SLC16A9: variants seen among roughly 807,000 people sequenced by gnomAD.
SLC16A9 encodes the protein monocarboxylate transporter 9.
In SLC16A9, 26 loss-of-function variants were observed where a neutral mutation model predicts 44.3. The ratio of observed to expected loss-of-function variants is 0.59; its 90% CI spans 0.43 to 0.81. The LOEUF is 0.81. SLC16A9 is among the 40% of genes least tolerant of loss of function. The probability of loss-of-function intolerance (pLI) is 0.00; values close to 1 mark genes in which losing one functional copy is unlikely to be tolerated. For synonymous variants in SLC16A9, 230 were observed against 225.1 expected, an observed-to-expected ratio of 1.02 and a Z score of -0.19; for missense variants, 559 against 595.8, an observed-to-expected ratio of 0.94 and a Z score of 0.64.
intron 4 of SLC16A9, among the ~76,000 whole-genome samples, chr10:59,655,106 A>T (rs925624176): frequency 6.6e-6 from 1 of 152,166 alleles, no homozygotes; most frequent in African/African-American, 2.4e-5. Context: ...CCTGGCCAAC[A>T]TGGTGAAACC....
chr10:59,698,924 A>G (rs1387753735), intron 1 of SLC16A9, among the ~76,000 whole-genome samples: 1 of 151,940 alleles, frequency 6.6e-6, no homozygotes, highest in Non-Finnish European at 1.5e-5. Flanking sequence ...TTGTATTTTT[A>G]GTAGAGATGG....
intron 1 of SLC16A9, among the ~76,000 whole-genome samples, chr10:59,703,833 C>T (rs1171621): frequency 0.94 from 142,038 of 151,862 alleles, 66,536 homozygotes; most frequent in Middle Eastern, 0.98. Context: ...ATTCTCCTGC[C>T]TCAGCCTCCC....
At chr10:59,662,316 T>C (rs11006663) in intron 4 of SLC16A9, among the ~76,000 whole-genome samples, 87,248 of 149,250 alleles carry the variant, frequency 0.58, 26,466 homozygotes, top group Middle Eastern at 0.75. Flanking sequence ...CAAAAAGTGG[T>C]GAAGGATATG....
Position 59,650,966 on chromosome 10 carries a change from T to G in SLC16A9, c.*1806A>C, listed in dbSNP as rs1839183211. 6.6e-6 allele frequency: 1 copy of G among 151,492 alleles called. No individual in the cohort carries two copies. Among genetic ancestry groups the G allele is most frequent in the African/African-American group, 2.4e-5 (1 of 41,172 alleles). 9.4% of individuals were successfully genotyped at this position (151,492 alleles called of 1,614,324 possible). On this transcript the variant is annotated 3_prime_UTR_variant, in exon 6 of 6. Coordinates refer to ENST00000395348, the MANE Select transcript of SLC16A9 (RefSeq NM_194298.3). ...TGAACATAACTGGCAAAAAGGAACT[T>G]TCAACACAACAAGTAGTTTAGTTTT...
intron 2 of SLC16A9, among the ~76,000 whole-genome samples, chr10:59,674,219 G>C (rs765552165): frequency 6.6e-6 from 1 of 152,140 alleles, no homozygotes; most frequent in Non-Finnish European, 1.5e-5. Context: ...GAGAAACAAT[G>C]GAATCCATCA....
At chr10:59,687,129 C>A (rs1053496329) in intron 1 of SLC16A9, among the ~76,000 whole-genome samples, 5 of 152,026 alleles carry the variant, frequency 3.3e-5, no homozygotes, top group African/African-American at 1.2e-4. Context: ...GGTCTTGAAC[C>A]CCTGACCTCA....
chr10:59,681,525 G>GA (rs1266986430), intron 2 of SLC16A9, among the ~76,000 whole-genome samples: 1 of 106,506 alleles, frequency 9.4e-6, no homozygotes, highest in Non-Finnish European at 1.9e-5. Flanking sequence ...ATATGTATAT[G>GA]TGTATGTGTA....
At chr10:59,685,165 C>G (rs144080480) in intron 1 of SLC16A9, among the ~76,000 whole-genome samples, 195 of 152,336 alleles carry the variant, frequency 1.3e-3, no homozygotes, top group African/African-American at 4.3e-3. Context: ...TCCCCACCTT[C>G]CTTTGTCCAC....
chr10:59,698,384 G>T (rs138626037), intron 1 of SLC16A9, among the ~76,000 whole-genome samples: 91 of 152,278 alleles, frequency 6.0e-4, no homozygotes, highest in Non-Finnish European at 1.1e-3. Context: ...CACTGGTGGT[G>T]GCAATGCTAT....
intron 2 of SLC16A9, among the ~76,000 whole-genome samples, chr10:59,681,169 T>C (rs1446056908): frequency 6.6e-6 from 1 of 151,984 alleles, no homozygotes; most frequent in Non-Finnish European, 1.5e-5. Flanking sequence ...AAATACTTAT[T>C]CCACTTCCAA....
Position 59,654,000 on chromosome 10 carries a change from A to G in SLC16A9, c.1026T>C (p.Ile342=), listed in dbSNP as rs754523326. The change falls in exon 5 of 6, where the codon ATT becomes ATC. Residue 342 remains isoleucine, a synonymous_variant. Transcript: ENST00000395348. ...TGCCTATAATGGAAATAAGTGGCAT[A>G]ATAAACTCTTCTTCTTTCACGTTTG... ...RSSNVKEEEF[I]MPLISIIGIM... is the part of the protein sequence containing the mutation. The G allele has an allele frequency of 1.9e-6, 3 of 1,613,932 alleles. No homozygotes were observed. The South Asian group carries it at 3.3e-5, about 18-fold the overall frequency.
At chr10:59,678,225 G>T (rs544693466) in intron 2 of SLC16A9, among the ~76,000 whole-genome samples, 130 of 152,112 alleles carry the variant, frequency 8.5e-4, no homozygotes, top group Non-Finnish European at 1.5e-3. Context: ...GACCTGCCAT[G>T]CAGCAAGGAT....
chr10:59,664,883 A>G (rs1291284918), intron 3 of SLC16A9, among the ~76,000 whole-genome samples: 3 of 152,208 alleles, frequency 2.0e-5, no homozygotes, highest in Non-Finnish European at 4.4e-5. Flanking sequence ...TTAGAGGTGC[A>G]TATTACCTTA....
rs1485520304 is a variant in SLC16A9 at position 59,694,843 on chromosome 10, C to T, written c.-36-10516G>A. ...ACACACACACACACACATATATATA[C>T]ACTAAATATTTTTATATATTATATG... On this transcript the variant is annotated intron_variant, in intron 1 of 5. Coordinates refer to ENST00000395348, the MANE Select transcript of SLC16A9 (RefSeq NM_194298.3). 3.6e-5 allele frequency among the ~76,000 whole-genome samples: 3 copies of T among 82,376 alleles called. No individual in the cohort carries two copies. The Middle Eastern group carries it at 0.019, about 515-fold the overall frequency. 54.0% of individuals were successfully genotyped at this position (82,376 alleles called of 152,430 possible). A position where few individuals can be genotyped will look rare whatever the true frequency, so the allele number is the denominator to read the frequency against.
intron 1 of SLC16A9, among the ~76,000 whole-genome samples, chr10:59,703,399 T>A (rs1031694165): frequency 2.0e-5 from 3 of 152,260 alleles, no homozygotes; most frequent in Non-Finnish European, 2.9e-5. Flanking sequence ...GGCCTCTGAA[T>A]TTTATCAATA....
intron 1 of SLC16A9, among the ~76,000 whole-genome samples, chr10:59,689,693 C>T (rs184238813): frequency 3.3e-4 from 50 of 152,262 alleles, no homozygotes; most frequent in African/African-American, 1.2e-3. Flanking sequence ...GTTAAGTTAT[C>T]GGTACTCATT....
At position 59,652,832 on chromosome 10, in the gene SLC16A9, G is replaced by T; in HGVS notation, c.1470C>A (p.Asn490Lys). The change falls in exon 6 of 6, where the codon AAC becomes AAA. Residue 490 changes from asparagine (N) to lysine (K), a missense_variant. Asn to Lys is a moderately conservative substitution (Grantham distance 94). Coordinates refer to ENST00000395348, the MANE Select transcript of SLC16A9 (RefSeq NM_194298.3). ...TTGGAGCTGGCTTGGGGAGTTGCTT[G>T]TTGCATGTATCCCAAGAGGGCAAGG... Reference protein sequence around the residue: ...LAALPSWDTCNKQLPKPAPTT... With the variant: ...LAALPSWDTCKKQLPKPAPTT... The T allele has an allele frequency of 6.2e-7, 1 of 1,613,924 alleles. No individual in the cohort carries two copies. The highest frequency in any genetic ancestry group is 1.1e-5 in the South Asian group (1 of 91,040).
intron 3 of SLC16A9, among the ~76,000 whole-genome samples, chr10:59,666,871 CAAAAAAA>C (rs34639816): frequency 8.7e-6 from 1 of 114,956 alleles, no homozygotes; most frequent in Admixed American, 9.0e-5. Context: ...TATTTTCCAG[CAAAAAAA>C]AAAAAAAAAA....
Position 59,695,547 on chromosome 10 carries a change from G to C in SLC16A9, c.-36-11220C>G, listed in dbSNP as rs562468426. 4.6e-5 allele frequency among the ~76,000 whole-genome samples: 7 copies of C among 151,894 alleles called. No homozygotes were observed. In the South Asian group the frequency reaches 1.5e-3, roughly 32 times the overall value. On this transcript the variant is annotated intron_variant, in intron 1 of 5. Transcript: ENST00000395348. ...TGCATGAGACTTTTCATAAATACGA[G>C]CCCCCCCACCTCGTCAATGGCCCTC...
Sources: allele counts gnomAD v4.1 joint callset (sites outside exome capture counted in the v4.1 genomes callset), GRCh38; gene constraint gnomAD v4.1.1; transcripts MANE v1.5; gene names NCBI Gene and HGNC (gene_info 2026-07-23, HGNC 2026-07-21).